Variants in UCHL3 observed in about 807,000 individuals in gnomAD.
UCHL3 encodes ubiquitin carboxyl-terminal hydrolase isozyme L3.
In UCHL3, 22 loss-of-function variants were observed where a neutral mutation model predicts 35.8. The observed-to-expected ratio is 0.61, with a 90% CI of 0.44 to 0.88. The LOEUF (loss-of-function observed/expected upper bound fraction) is 0.88, where lower values mean the gene tolerates loss of function less well. Among genes scored for constraint, UCHL3 ranks in the 40% least tolerant of loss-of-function variants. UCHL3 has a pLI of 0.00. For missense variants in UCHL3, 229 were observed against 276.9 expected (o/e 0.83, Z 1.23); for synonymous variants, 90 against 92.8 (o/e 0.97, Z 0.17).
chr13:75,605,575 C>T (rs1338649837), intron 8 of UCHL3, among the ~76,000 whole-genome samples, 154 bp from the exon 9 acceptor site: 1 of 152,090 alleles, frequency 6.6e-6, no homozygotes, highest in Non-Finnish European at 1.5e-5. Context: ...AATTAGGGCA[C>T]CCATGTTCAC....
intron 5 of UCHL3, among the ~76,000 whole-genome samples, chr13:75,568,195 A>G (rs1338627584): frequency 1.3e-5 from 2 of 152,156 alleles, no homozygotes; most frequent in Non-Finnish European, 2.9e-5. Context: ...TGACCTTTTA[A>G]TAACATTATT....
At chr13:75,604,884 C>A in intron 8 of UCHL3, 57 bp downstream of exon 8, 1 of 1,393,954 alleles carries the variant, frequency 7.2e-7, no homozygotes, top group South Asian at 1.4e-5. Context: ...TTTAAAACAT[C>A]TCTAAAGGTC....
intron 6 of UCHL3, chr13:75,589,801 TC>T (rs1452779599): frequency 1.5e-6 from 1 of 661,998 alleles, no homozygotes; most frequent in East Asian, 6.8e-5. Context: ...TCATACATGA[TC>T]CTTTGCTAGA....
intron 2 of UCHL3, among the ~76,000 whole-genome samples, chr13:75,553,532 G>A (rs576113877): frequency 2.4e-4 from 36 of 152,170 alleles, no homozygotes; most frequent in Admixed American, 2.1e-3. Context: ...TAATTGCTTC[G>A]AAGAGTCTCT....
At chr13:75,567,126 G>T (rs985276357) in intron 4 of UCHL3, 101 bp from the exon 5 acceptor site, 14 of 1,128,072 alleles carry the variant, frequency 1.2e-5, no homozygotes, top group Non-Finnish European at 1.7e-5. Context: ...ACCAATGAAA[G>T]AATTTAACCT....
chr13:75,587,926 A>G (rs1490390142), intron 6 of UCHL3, among the ~76,000 whole-genome samples: 1 of 152,084 alleles, frequency 6.6e-6, no homozygotes, highest in Non-Finnish European at 1.5e-5. Flanking sequence ...AACACAGCCT[A>G]TTCTTTTGCA....
chr13:75,595,725 T>C (rs1401204415), intron 7 of UCHL3, among the ~76,000 whole-genome samples: 1 of 151,850 alleles, frequency 6.6e-6, no homozygotes, highest in East Asian at 1.9e-4. Flanking sequence ...AGCCTTTGTT[T>C]TCTTCAGGCA....
chr13:75,588,325 CTCTCCT>C (rs1369425638), intron 6 of UCHL3, among the ~76,000 whole-genome samples: 2 of 151,946 alleles, frequency 1.3e-5, no homozygotes, highest in African/African-American at 4.8e-5. Flanking sequence ...TATTAGTCAC[CTCTCCT>C]TCTATCTCTT....
At chr13:75,580,166 T>G (rs1174435360) in intron 6 of UCHL3, among the ~76,000 whole-genome samples, 2 of 152,180 alleles carry the variant, frequency 1.3e-5, no homozygotes. Context: ...TGGTATTTTG[T>G]GTATTTTGAT....
chr13:75,590,258 A>G (rs1032962783), intron 6 of UCHL3: 31 of 1,186,392 alleles, frequency 2.6e-5, no homozygotes, highest in Admixed American at 1.8e-4. Flanking sequence ...TTCTCCCCCA[A>G]TAAGATTGCA....
At chr13:75,569,417 G>GT in intron 5 of UCHL3, 43 bp from the exon 6 acceptor site, 1 of 1,513,758 alleles carries the variant, frequency 6.6e-7, no homozygotes, top group South Asian at 1.3e-5. Context: ...AAAAAGTTGA[G>GT]TATAGGCATT....
At chr13:75,567,089 A>G (rs1593729758) in intron 4 of UCHL3, 138 bp from the exon 5 acceptor site, 1 of 891,182 alleles carries the variant, frequency 1.1e-6, no homozygotes, top group East Asian at 2.6e-5. Flanking sequence ...CTTATCATTT[A>G]TAACATGATC....
intron 6 of UCHL3, among the ~76,000 whole-genome samples, chr13:75,583,943 C>G (rs919633934): frequency 6.6e-6 from 1 of 152,132 alleles, no homozygotes. Flanking sequence ...TCAATGGGTG[C>G]TCATGAGATT....
intron 3 of UCHL3, among the ~76,000 whole-genome samples, chr13:75,565,068 A>C (rs1158321303): frequency 6.6e-6 from 1 of 152,062 alleles, no homozygotes; most frequent in African/African-American, 2.4e-5. Context: ...AGAGGCTATA[A>C]ATTTTATTTC....
In UCHL3 at chr13:75,592,432, A is replaced by G. The variant is rs1349795814; in HGVS notation, c.475-2483A>G. 5.9e-4 allele frequency among the ~76,000 whole-genome samples: 58 copies of G among 99,030 alleles called. 1 individual carries two copies. The highest frequency in any genetic ancestry group is 1.0e-3 in the African/African-American group (25 of 25,108). The allele number at this position is 99,030 out of a possible 152,430, so 65.0% of individuals were successfully genotyped here. A position where few individuals can be genotyped will look rare whatever the true frequency, so the allele number is the denominator to read the frequency against. ...TTTTCCTTCATATATATATATATAT[A>G]TATATATATATATATATATATATAT... On this transcript the variant is annotated intron_variant, in intron 6 of 8. Coordinates refer to ENST00000377595, the MANE Select transcript of UCHL3 (RefSeq NM_006002.5).
intron 6 of UCHL3, among the ~76,000 whole-genome samples, chr13:75,570,672 G>T (rs2031826703): frequency 6.6e-6 from 1 of 152,222 alleles, no homozygotes; most frequent in African/African-American, 2.4e-5. Context: ...GCTTTGGAAA[G>T]TTAAAGCAGA....
chr13:75,573,455 A>G (rs2031925340), intron 6 of UCHL3, among the ~76,000 whole-genome samples: 1 of 152,132 alleles, frequency 6.6e-6, no homozygotes, highest in South Asian at 2.1e-4. Flanking sequence ...GGTGCCTTTA[A>G]CAACAGAAAT....
intron 7 of UCHL3, among the ~76,000 whole-genome samples, chr13:75,598,114 C>T (rs1324213042): frequency 6.6e-6 from 1 of 152,114 alleles, no homozygotes; most frequent in Non-Finnish European, 1.5e-5. Flanking sequence ...CCTGAAGTAA[C>T]AGGAATACTT....
At chr13:75,567,355 T>C (rs1346839976) in intron 5 of UCHL3, 43 bp downstream of exon 5, 4 of 1,563,336 alleles carry the variant, frequency 2.6e-6, no homozygotes, top group South Asian at 2.2e-5. Context: ...GGGCAAAAGT[T>C]TGTGGGATTG....
Sources: allele counts gnomAD v4.1 joint callset (sites outside exome capture counted in the v4.1 genomes callset), GRCh38; gene constraint gnomAD v4.1.1; transcripts MANE v1.5; gene names NCBI Gene and HGNC (gene_info 2026-07-23, HGNC 2026-07-21).